Variants in CDH13 observed in about 807,000 individuals in gnomAD.
CDH13 encodes cadherin 13.
A neutral mutation model predicts 63.8 loss-of-function variants in CDH13; 24 were observed. The ratio of observed to expected loss-of-function variants is 0.38; its 90% CI spans 0.27 to 0.53. CDH13 has a LOEUF of 0.53. Among genes scored for constraint, CDH13 ranks in the 20% least tolerant of loss-of-function variants. The pLI, the probability that CDH13 is intolerant of heterozygous loss-of-function variation, is 0.85. For synonymous variants in CDH13, 503 were observed against 355.3 expected (o/e 1.42, Z -4.67); for missense variants, 1,049 against 903.1 (o/e 1.16, Z -2.07).
chr16:83,001,339 C>T (rs904192092), intron 2 of CDH13, among the ~76,000 whole-genome samples: 2 of 152,194 alleles, frequency 1.3e-5, no homozygotes, highest in African/African-American at 4.8e-5. Context: ...GGTGTGAATT[C>T]CTCCAACCCA....
intron 4 of CDH13, among the ~76,000 whole-genome samples, chr16:83,153,027 C>G (rs1034076131): frequency 6.6e-6 from 1 of 152,150 alleles, no homozygotes; most frequent in South Asian, 2.1e-4. Flanking sequence ...GTTCACCTTA[C>G]CTGCTGCCTA....
intron 5 of CDH13, among the ~76,000 whole-genome samples, chr16:83,322,868 A>G (rs558121678): frequency 9.1e-4 from 138 of 151,986 alleles, no homozygotes; most frequent in Non-Finnish European, 1.4e-3. Context: ...AACTAGAACC[A>G]CCTTCTGATT....
At chr16:83,454,576 G>T (rs1391265315) in intron 6 of CDH13, among the ~76,000 whole-genome samples, 1 of 152,034 alleles carries the variant, frequency 6.6e-6, no homozygotes, top group Non-Finnish European at 1.5e-5. Flanking sequence ...ACTGTGTAAT[G>T]GTCCATCAAG....
intron 3 of CDH13, among the ~76,000 whole-genome samples, chr16:83,063,708 A>G (rs2151528134): frequency 6.6e-6 from 1 of 152,322 alleles, no homozygotes; most frequent in Admixed American, 6.5e-5. Context: ...ACACAAATTT[A>G]TTCTGTTTTA....
chr16:83,100,056 C>T (rs2034400043), intron 3 of CDH13, among the ~76,000 whole-genome samples: 1 of 152,154 alleles, frequency 6.6e-6, no homozygotes, highest in African/African-American at 2.4e-5. Context: ...GGTTTCATTG[C>T]TCCACATAGG....
intron 5 of CDH13, among the ~76,000 whole-genome samples, chr16:83,246,458 G>A (rs528348588): frequency 5.3e-5 from 8 of 152,038 alleles, no homozygotes; most frequent in Admixed American, 6.5e-5. Context: ...TCTGTACTCC[G>A]AGAGATTCAC....
chr16:83,050,679 A>C (rs2030215930), intron 3 of CDH13, among the ~76,000 whole-genome samples: 1 of 151,878 alleles, frequency 6.6e-6, no homozygotes, highest in Non-Finnish European at 1.5e-5. Context: ...TTCTGACCTC[A>C]GGTCCATCGT....
At chr16:83,093,920 A>C (rs1365134775) in intron 3 of CDH13, among the ~76,000 whole-genome samples, 1 of 152,232 alleles carries the variant, frequency 6.6e-6, no homozygotes, top group East Asian at 1.9e-4. Flanking sequence ...GAAAGGAAAT[A>C]CCTGAAAAGG....
intron 5 of CDH13, among the ~76,000 whole-genome samples, chr16:83,226,019 A>G (rs748461671): frequency 6.9e-4 from 105 of 152,336 alleles, no homozygotes; most frequent in Middle Eastern, 3.4e-3. Flanking sequence ...CTCCTTGGAC[A>G]CAAACACTTA....
At chr16:83,253,568 A>C (rs975157925) in intron 5 of CDH13, among the ~76,000 whole-genome samples, 1 of 152,152 alleles carries the variant, frequency 6.6e-6, no homozygotes, top group Non-Finnish European at 1.5e-5. Context: ...TGAGCTGTCA[A>C]CCTCAGGGGC....
intron 2 of CDH13, among the ~76,000 whole-genome samples, chr16:82,977,519 T>G (rs1286840680): frequency 2.6e-5 from 4 of 152,106 alleles, no homozygotes; most frequent in Admixed American, 2.6e-4. Context: ...TTTTCCCCCT[T>G]TTGCTTGGCA....
intron 7 of CDH13, among the ~76,000 whole-genome samples, chr16:83,554,915 G>T (rs2075573345): frequency 7.5e-6 from 1 of 132,458 alleles, no homozygotes; most frequent in Non-Finnish European, 1.6e-5. Context: ...CCCTACTGCT[G>T]AATCTTTTTT....
intron 1 of CDH13, among the ~76,000 whole-genome samples, chr16:82,637,417 A>G (rs533978195): frequency 1.5e-5 from 2 of 129,324 alleles, no homozygotes; most frequent in Admixed American, 1.6e-4. Context: ...AGGTCTGTAC[A>G]GTTACTGTGC....
At chr16:83,029,245 T>G (rs921380646) in intron 2 of CDH13, among the ~76,000 whole-genome samples, 1 of 152,208 alleles carries the variant, frequency 6.6e-6, no homozygotes, top group African/African-American at 2.4e-5. Flanking sequence ...GATATTTATA[T>G]GGCTTTCACA....
intron 1 of CDH13, among the ~76,000 whole-genome samples, chr16:82,707,329 A>T (rs1184075665): frequency 2.0e-5 from 3 of 152,160 alleles, no homozygotes; most frequent in East Asian, 3.9e-4. Flanking sequence ...TAGGGAAGAG[A>T]TAGGGGTAGA....
intron 3 of CDH13, among the ~76,000 whole-genome samples, chr16:83,067,293 C>T (rs1031413282): frequency 4.6e-5 from 7 of 152,102 alleles, no homozygotes; most frequent in Non-Finnish European, 7.4e-5. Flanking sequence ...GTTAACGGCA[C>T]GGGCTGAGAA....
At chr16:82,709,635 G>C (rs924312176) in intron 1 of CDH13, among the ~76,000 whole-genome samples, 1 of 152,198 alleles carries the variant, frequency 6.6e-6, no homozygotes, top group African/African-American at 2.4e-5. Context: ...CAGCGACTGC[G>C]ACATAGCAAG....
intron 1 of CDH13, among the ~76,000 whole-genome samples, chr16:82,686,051 A>T (rs541901756): frequency 1.3e-5 from 2 of 152,214 alleles, no homozygotes; most frequent in South Asian, 4.2e-4. Context: ...TTTTCTCCCA[A>T]CTGCAAGTAG....
intron 8 of CDH13, among the ~76,000 whole-genome samples, chr16:83,634,470 G>A (rs567087393): frequency 1.1e-4 from 17 of 150,680 alleles, no homozygotes; most frequent in South Asian, 4.2e-4. Context: ...GCACAATCTC[G>A]GCTCATTGCG....
Sources: allele counts gnomAD v4.1 joint callset (sites outside exome capture counted in the v4.1 genomes callset), GRCh38; gene constraint gnomAD v4.1.1; transcripts MANE v1.5; gene names NCBI Gene and HGNC (gene_info 2026-07-23, HGNC 2026-07-21).